Variants in RRAGB observed in about 807,000 individuals in gnomAD.
RRAGB encodes ras-related GTP-binding protein B.
RRAGB carries 6 observed loss-of-function variants against 29.3 expected under a neutral mutation model. That is an observed-to-expected ratio of 0.21 (90% CI 0.11 to 0.40). The LOEUF is 0.40. Ranked by LOEUF, RRAGB falls within the 10% of genes least tolerant of loss-of-function variation. RRAGB has a pLI of 1.00. For synonymous variants in RRAGB, 101 were observed against 92.5 expected (o/e 1.09, Z -0.53); for missense variants, 184 against 272.9 (o/e 0.67, Z 2.29).
chrX:55,735,620 A>G (rs192748464), intron 5 of RRAGB, among the ~76,000 whole-genome samples: 121 of 112,435 alleles, frequency 1.1e-3, no homozygotes, highest in African/African-American at 3.7e-3. Flanking sequence ...TTCAATGTTA[A>G]TATTGACATG....
chrX:55,719,245 T>C (rs1295484177), intron 1 of RRAGB, 69 bp from the exon 2 acceptor site: 1 of 949,078 alleles, frequency 1.1e-6, no homozygotes, highest in Non-Finnish European at 1.5e-6. Context: ...CATGTTTATT[T>C]ATACTTCATT....
At chrX:55,744,840 C>G (rs2034194834) in intron 5 of RRAGB, among the ~76,000 whole-genome samples, 1 of 111,939 alleles carries the variant, frequency 8.9e-6, no homozygotes, top group Admixed American at 9.4e-5. Flanking sequence ...GCTTGAGTTG[C>G]AGCCTGAACC....
rs148620123 is a variant in RRAGB, at chrX:55,737,665, G to A, written c.516+6079G>A. Among the ~76,000 whole-genome samples, 22 of 112,732 alleles carry A rather than the reference G, an allele frequency of 2.0e-4. No homozygotes were observed. The East Asian group carries it at 4.2e-3, about 22-fold the overall frequency. On this transcript the variant is annotated intron_variant, in intron 5 of 9. Transcript: ENST00000374941. ...CCACAGGGTGCTCCCTTGATGTGGT[G>A]CACTCCCTGTTCCCATAGGTGTGGC... is the stretch of plus-strand genomic sequence containing the variant.
chrX:55,733,177 G>A lies in RRAGB; in HGVS notation c.516+1591G>A, dbSNP rs1279724576. The stretch of plus-strand genomic sequence containing the variant: ...ATTATACCACTCTGTATGCTTTTAT[G>A]TACCCATAGCTTAGCTCCTACTTAC... On this transcript the variant is annotated intron_variant, in intron 5 of 9. Coordinates refer to ENST00000374941, the MANE Select transcript of RRAGB (RefSeq NM_006064.5). Among the ~76,000 whole-genome samples the A allele has an allele frequency of 1.2e-4, 13 of 111,123 alleles. No homozygotes were observed. In the Admixed American group the frequency reaches 1.2e-3, roughly 11 times the overall value.
Position 55,729,370 on chromosome X carries a change from A to G in RRAGB, c.293+10A>G. 1 of 1,154,670 alleles carries G rather than the reference A, an allele frequency of 8.7e-7. No individual in the cohort carries two copies. Among genetic ancestry groups the G allele is most frequent in the Admixed American group, 2.2e-5 (1 of 45,400 alleles). ...TGTGGGATTGTGGTGGGTAAGTACC[A>G]TCTGCTTACTTGTTTGTGAAGCCGA... On this transcript the variant is annotated intron_variant, in intron 4 of 9. Coordinates refer to ENST00000374941, the MANE Select transcript of RRAGB (RefSeq NM_006064.5).
At chrX:55,733,974 T>G (rs1232498170) in intron 5 of RRAGB, among the ~76,000 whole-genome samples, 1 of 109,675 alleles carries the variant, frequency 9.1e-6, no homozygotes, top group South Asian at 4.0e-4. Flanking sequence ...TGTTTCTTTT[T>G]TTTTTTTGAG....
At chrX:55,754,894 A>G (rs766258571) in intron 7 of RRAGB, among the ~76,000 whole-genome samples, 2 of 111,849 alleles carry the variant, frequency 1.8e-5, no homozygotes, top group South Asian at 7.6e-4. Flanking sequence ...TTTTCCTGCT[A>G]GTGTGAGTAA....
intron 5 of RRAGB, among the ~76,000 whole-genome samples, chrX:55,733,692 A>G (rs1357679402): frequency 8.9e-6 from 1 of 112,343 alleles, no homozygotes; most frequent in Non-Finnish European, 1.9e-5. Flanking sequence ...ATGTGCTGGT[A>G]GATTAGGTTT....
chrX:55,729,146 A>G (rs1361334613), intron 3 of RRAGB, 148 bp from the exon 4 acceptor site: 4 of 440,264 alleles, frequency 9.1e-6, no homozygotes, highest in Non-Finnish European at 1.6e-5. Context: ...ACTAAACCAC[A>G]CTACTCAGCT....
chrX:55,741,673 GACAC>G (rs751994158), intron 5 of RRAGB, among the ~76,000 whole-genome samples: 2 of 111,592 alleles, frequency 1.8e-5, no homozygotes, highest in Non-Finnish European at 3.8e-5. Context: ...GACAGGAAGA[GACAC>G]ACACACGCAG....
At chrX:55,719,971 T>G (rs751575127) in intron 2 of RRAGB, among the ~76,000 whole-genome samples, 55 of 112,435 alleles carry the variant, frequency 4.9e-4, no homozygotes, top group Non-Finnish European at 9.2e-4. Flanking sequence ...ATCGTAAGAT[T>G]GTTGTGACGT....
Position 55,755,537 on chromosome X carries a change from G to A in RRAGB, c.736-304G>A, listed in dbSNP as rs989125251. The A allele has an allele frequency of 2.3e-5, 17 of 735,151 alleles. No individual in the cohort carries two copies. In the Admixed American group the frequency reaches 2.6e-4, roughly 11 times the overall value. The allele number at this position is 735,151 out of a possible 1,213,427, so 60.6% of individuals were successfully genotyped here. On this transcript the variant is annotated intron_variant, in intron 7 of 9. Transcript: ENST00000374941. ...TTTTAAAAATCGAAGACCATCATGCGAAATATTGAAATAAAATGAATATTT... is the reference window on the plus strand; with the variant it reads ...TTTTAAAAATCGAAGACCATCATGCAAAATATTGAAATAAAATGAATATTT...
At chrX:55,723,809 C>T (rs2033380584) in intron 3 of RRAGB, among the ~76,000 whole-genome samples, 1 of 112,086 alleles carries the variant, frequency 8.9e-6, no homozygotes, top group Non-Finnish European at 1.9e-5. Flanking sequence ...CCGCCTGCCT[C>T]GGCCTCCCAA....
chrX:55,749,124 C>T (rs1413753894), intron 5 of RRAGB, among the ~76,000 whole-genome samples: 1 of 99,819 alleles, frequency 1.0e-5, no homozygotes, highest in East Asian at 3.4e-4. Flanking sequence ...TCTGCCCGGC[C>T]ACCCCTACTG....
chrX:55,756,007 A>C, intron 8 of RRAGB, 75 bp downstream of exon 8: 1 of 689,052 alleles, frequency 1.5e-6, no homozygotes, highest in Non-Finnish European at 2.2e-6. Flanking sequence ...TCAAATAACT[A>C]TAGTTAACTG....
At chrX:55,734,785 G>A (rs1000251321) in intron 5 of RRAGB, among the ~76,000 whole-genome samples, 37 of 111,772 alleles carry the variant, frequency 3.3e-4, no homozygotes, top group African/African-American at 9.8e-4. Context: ...TTTGATCTTA[G>A]CACTGCTTTT....
intron 5 of RRAGB, among the ~76,000 whole-genome samples, chrX:55,745,434 A>C (rs747609576): frequency 3.5e-5 from 4 of 112,715 alleles, no homozygotes; most frequent in African/African-American, 1.3e-4. Context: ...AGCTGCATAC[A>C]GGTACCAGGG....
chrX:55,724,399 A>G (rs2033405707), intron 3 of RRAGB, among the ~76,000 whole-genome samples: 2 of 112,058 alleles, frequency 1.8e-5, no homozygotes, highest in Non-Finnish European at 1.9e-5. Context: ...CTCTTATCTG[A>G]TATATTAGTT....
At chrX:55,738,807 A>C (rs2033953615) in intron 5 of RRAGB, among the ~76,000 whole-genome samples, 1 of 111,774 alleles carries the variant, frequency 8.9e-6, no homozygotes, top group Admixed American at 9.4e-5. Flanking sequence ...GGGCAAGGCC[A>C]TGGAACTCCC....
Sources: allele counts gnomAD v4.1 joint callset (sites outside exome capture counted in the v4.1 genomes callset), GRCh38; gene constraint gnomAD v4.1.1; transcripts MANE v1.5; gene names NCBI Gene and HGNC (gene_info 2026-07-23, HGNC 2026-07-21).